BLTP1: variants seen among roughly 807,000 people sequenced by gnomAD.
BLTP1 encodes the protein bridge-like lipid transfer protein family member 1, also known as fragile site-associated protein.
the BLTP1 span, among the ~76,000 whole-genome samples, chr4:122,252,801 C>A: frequency 2.6e-5 from 4 of 152,124 alleles, no homozygotes; most frequent in Non-Finnish European, 4.4e-5. Context: ...GGTCTGTGAG[C>A]AAACGTAGGC....
At chr4:122,271,185 G>A in the BLTP1 span, 3 of 1,613,938 alleles carry the variant, frequency 1.9e-6, no homozygotes, top group Non-Finnish European at 2.5e-6. Flanking sequence ...ACCTTTCACT[G>A]CAACTTTACT....
At chr4:122,170,652 A>G in the BLTP1 span, 1 of 1,573,424 alleles carries the variant, frequency 6.4e-7, no homozygotes, top group Non-Finnish European at 8.6e-7. Context: ...TTAGTAATGG[A>G]TCAAAGGAAG....
At chr4:122,324,415 C>A in the BLTP1 span, 1 of 1,601,852 alleles carries the variant, frequency 6.2e-7, no homozygotes, top group Non-Finnish European at 8.5e-7. Flanking sequence ...TTTTTCTCTC[C>A]CATTTTGTTA....
the BLTP1 span, among the ~76,000 whole-genome samples, chr4:122,340,064 G>C: frequency 2.6e-4 from 39 of 152,170 alleles, no homozygotes; most frequent in East Asian, 7.5e-3. Context: ...AAAGAGACTA[G>C]ACTGAATGAA....
At chr4:122,173,223 G>A in the BLTP1 span, 1 of 1,502,068 alleles carries the variant, frequency 6.7e-7, no homozygotes, top group Non-Finnish European at 9.1e-7. Flanking sequence ...ATTTTTTGTT[G>A]CTATAACTGA....
At chr4:122,241,558 A>C in the BLTP1 span, among the ~76,000 whole-genome samples, 2 of 152,202 alleles carry the variant, frequency 1.3e-5, no homozygotes, top group South Asian at 2.1e-4. Flanking sequence ...GCTTGGACTT[A>C]AACTGTATTA....
the BLTP1 span, chr4:122,328,043 T>C: frequency 3.2e-6 from 4 of 1,239,686 alleles, no homozygotes; most frequent in South Asian, 1.9e-5. Context: ...TAAATTTATA[T>C]ATTTTTTCTT....
At chr4:122,184,829 T>G in the BLTP1 span, 1 of 985,414 alleles carries the variant, frequency 1.0e-6, no homozygotes, top group Non-Finnish European at 1.2e-6. Flanking sequence ...TGACAAAACT[T>G]AGCCTTTGTT....
the BLTP1 span, chr4:122,171,892 G>T: frequency 2.0e-6 from 2 of 985,214 alleles, no homozygotes; most frequent in Non-Finnish European, 2.4e-6. Flanking sequence ...ATAATGAAAA[G>T]ACTACGATTC....
At chr4:122,209,795 A>G in the BLTP1 span, 2 of 1,611,050 alleles carry the variant, frequency 1.2e-6, no homozygotes, top group Admixed American at 1.7e-5. Flanking sequence ...CTGACTAGAA[A>G]CTGTCTGTTT....
At chr4:122,328,117 C>T in the BLTP1 span, 1 of 1,585,806 alleles carries the variant, frequency 6.3e-7, no homozygotes, top group Non-Finnish European at 8.6e-7. Context: ...CCAGAGGAGA[C>T]AGAACTGGAC....
At chr4:122,301,245 T>C in the BLTP1 span, 1 of 1,471,832 alleles carries the variant, frequency 6.8e-7, no homozygotes, top group Non-Finnish European at 9.0e-7. Context: ...ATGCACAAAA[T>C]AGTTATTTTT....
At chr4:122,315,756 C>T in the BLTP1 span, 4 of 1,455,850 alleles carry the variant, frequency 2.7e-6, no homozygotes, top group Non-Finnish European at 3.8e-6. Context: ...ATTTTTTGTT[C>T]AGTGTTATTT....
chr4:122,274,579 C>A, the BLTP1 span: 1 of 1,353,130 alleles, frequency 7.4e-7, no homozygotes, highest in Non-Finnish European at 9.5e-7. Context: ...AGAATATCAC[C>A]AAATAAAATA....
the BLTP1 span, chr4:122,356,826 A>G: frequency 2.6e-6 from 4 of 1,540,632 alleles, no homozygotes; most frequent in Non-Finnish European, 3.5e-6. Context: ...ATGAATTGTT[A>G]TGGTCTAATG....
At chr4:122,279,817 C>G in the BLTP1 span, 1 of 1,614,010 alleles carries the variant, frequency 6.2e-7, no homozygotes, top group Non-Finnish European at 8.5e-7. Context: ...AAGCCCTCTA[C>G]AGTGCCCAAA....
At chr4:122,235,041 C>T in the BLTP1 span, 6 of 1,574,456 alleles carry the variant, frequency 3.8e-6, no homozygotes, top group African/African-American at 4.1e-5. Flanking sequence ...AATGTTTCGT[C>T]ACTTGTGCTA....
the BLTP1 span, chr4:122,180,235 C>A: frequency 1.1e-6 from 1 of 945,806 alleles, no homozygotes; most frequent in Non-Finnish European, 1.3e-6. Context: ...CCACTCTGAG[C>A]CTCATTTTTT....
chr4:122,187,970 A>G, the BLTP1 span: 13 of 1,596,922 alleles, frequency 8.1e-6, no homozygotes, highest in Non-Finnish European at 1.0e-5. Context: ...CTTAACTTAT[A>G]CTACAAAACC....
Sources: allele counts gnomAD v4.1 joint callset (sites outside exome capture counted in the v4.1 genomes callset), GRCh38; gene constraint gnomAD v4.1.1; transcripts MANE v1.5; gene names NCBI Gene and HGNC (gene_info 2026-07-23, HGNC 2026-07-21).